The following PRKCE variants were observed in gnomAD, a reference collection of about 807,000 sequenced individuals.
PRKCE encodes protein kinase C epsilon.
PRKCE carries 16 observed loss-of-function variants against 85.4 expected under a neutral mutation model. The observed-to-expected ratio is 0.19, with a 90% confidence interval of 0.13 to 0.28. The LOEUF is 0.28. Ranked by LOEUF, PRKCE falls within the 10% of genes least tolerant of loss-of-function variation. PRKCE has a pLI of 1.00. For synonymous variants in PRKCE, 388 were observed against 371.5 expected (o/e 1.04, Z -0.51); for missense variants, 573 against 975.2 (o/e 0.59, Z 5.49).
At chr2:45,952,987 G>C (rs1211124169) in intron 2 of PRKCE, among the ~76,000 whole-genome samples, 1 of 152,216 alleles carries the variant, frequency 6.6e-6, no homozygotes, top group Non-Finnish European at 1.5e-5. Flanking sequence ...TTTATGGACA[G>C]GGAGGTCAAG....
intron 1 of PRKCE, chr2:45,677,775 G>C: frequency 1.2e-6 from 1 of 846,358 alleles, no homozygotes; most frequent in Non-Finnish European, 1.4e-6. Flanking sequence ...TATTTGCTGG[G>C]TGGGCTCTGG....
At chr2:45,690,112 C>G (rs966461571) in intron 1 of PRKCE, among the ~76,000 whole-genome samples, 2 of 152,140 alleles carry the variant, frequency 1.3e-5, no homozygotes, top group Admixed American at 6.6e-5. Context: ...TTATGATAGT[C>G]TCATATTGAT....
rs758391020 is a variant in PRKCE, at chr2:46,010,359, C to G, written c.1279C>G (p.Leu427Val). The G allele has an allele frequency of 2.5e-6, 4 of 1,595,210 alleles. No homozygotes were observed. In the African/African-American group the frequency reaches 5.3e-5, roughly 21 times the overall value. ...GSFGKVMLAE[L>V]KGKDEVYAVK... The stretch of plus-strand genomic sequence containing the variant: ...TTGATTGCAGGTCATGTTGGCAGAA[C>G]TCAAGGGCAAAGATGAAGTATATGC... The change falls in exon 10 of 15, where the codon CTC (leucine) becomes GTC (valine). Residue 427 changes from leucine (L) to valine (V), a missense_variant. Coordinates refer to ENST00000306156, the MANE Select transcript of PRKCE (RefSeq NM_005400.3).
intron 2 of PRKCE, among the ~76,000 whole-genome samples, chr2:45,966,222 A>G (rs1558895252): frequency 6.6e-6 from 1 of 152,216 alleles, no homozygotes; most frequent in Non-Finnish European, 1.5e-5. Context: ...AGATGCTTAC[A>G]TATTGCATGA....
chr2:45,836,366 A>C (rs1212884641), intron 1 of PRKCE, among the ~76,000 whole-genome samples: 1 of 152,254 alleles, frequency 6.6e-6, no homozygotes, highest in Non-Finnish European at 1.5e-5. Flanking sequence ...CTTTTTGACC[A>C]GTCACTGCAC....
chr2:45,701,942 G>A (rs928935), intron 1 of PRKCE, among the ~76,000 whole-genome samples: 1 of 151,898 alleles, frequency 6.6e-6, no homozygotes, highest in African/African-American at 2.4e-5. Context: ...CCTGTAATCT[G>A]AGAATTTTGG....
chr2:45,765,935 T>A (rs986907710), intron 1 of PRKCE, among the ~76,000 whole-genome samples: 8 of 152,180 alleles, frequency 5.3e-5, no homozygotes, highest in African/African-American at 1.9e-4. Context: ...TGGGTAACTG[T>A]GGGTAGCAGA....
chr2:46,158,547 G>C (rs1677442462), intron 13 of PRKCE, among the ~76,000 whole-genome samples: 1 of 152,148 alleles, frequency 6.6e-6, no homozygotes, highest in East Asian at 1.9e-4. Context: ...TTGAACTCGA[G>C]GCCAGGTGCT....
At position 46,138,495 on chromosome 2, in the gene PRKCE, C is replaced by G. The variant is rs1359281820; in HGVS notation, c.1593-6598C>G. Among the ~76,000 whole-genome samples, 2 of 152,160 alleles carry G rather than the reference C, an allele frequency of 1.3e-5. No individual in the cohort carries two copies. The highest frequency in any genetic ancestry group is 1.3e-4 in the Admixed American group (2 of 15,274). On this transcript the variant is annotated intron_variant, in intron 11 of 14. Coordinates refer to ENST00000306156, the MANE Select transcript of PRKCE (RefSeq NM_005400.3). This position sits in a 1 kb window ranked among gnomAD's most constrained non-coding sequence, Gnocchi z 4.2. The stretch of plus-strand genomic sequence containing the variant: ...GCAGGGTTGGTAGAGTCAGGATTCC[C>G]ATCTCCTAGGAATAAAATGGCAGAG...
At chr2:45,707,029 A>G (rs1332112282) in intron 1 of PRKCE, among the ~76,000 whole-genome samples, 1 of 152,228 alleles carries the variant, frequency 6.6e-6, no homozygotes, top group East Asian at 1.9e-4. Context: ...TCTCTCCCCA[A>G]AGATGGGGGT....
At chr2:46,039,486 C>G (rs949785585) in intron 10 of PRKCE, among the ~76,000 whole-genome samples, 1 of 152,000 alleles carries the variant, frequency 6.6e-6, no homozygotes, top group African/African-American at 2.4e-5. Context: ...CCCTACTGAC[C>G]ATGATTTTTT....
chr2:45,832,280 A>G (rs549953722), intron 1 of PRKCE, among the ~76,000 whole-genome samples: 19 of 148,634 alleles, frequency 1.3e-4, no homozygotes, highest in African/African-American at 4.5e-4. Context: ...ATGAAGGAGC[A>G]TTACTCTCAT....
At chr2:45,654,137 C>A (rs1021957271) in intron 1 of PRKCE, among the ~76,000 whole-genome samples, 1 of 152,210 alleles carries the variant, frequency 6.6e-6, no homozygotes, top group African/African-American at 2.4e-5. Flanking sequence ...GCAGTGTATG[C>A]AGATGAGGGG....
rs11890295 is a variant in PRKCE, at chr2:45,863,864, C to T, written c.412+20801C>T. ...CTAGACAGTAGGGACGGGAATGGTG[C>T]GCCTGGCTGCACTGGAGAGTCTAAA... On this transcript the variant is annotated intron_variant, in intron 2 of 14. Transcript: ENST00000306156. Among the ~76,000 whole-genome samples, 605 of 152,128 alleles carry T rather than the reference C, an allele frequency of 4.0e-3. 2 individuals are homozygous for T. The highest frequency in any genetic ancestry group is 6.3e-3 in the Non-Finnish European group (429 of 67,992).
rs114574714 is a variant in PRKCE, at chr2:45,852,672, C to G, written c.412+9609C>G. 2.7e-3 allele frequency among the ~76,000 whole-genome samples: 417 copies of G among 152,208 alleles called. 1 individual carries two copies. Among genetic ancestry groups the G allele is most frequent in the Non-Finnish European group, 5.1e-3 (346 of 68,002 alleles). ...TAGCTCTATAGTTCTGAGTCAAAACCAAGAGAGGTTTGCATACAGCTGGGC... is the reference window on the plus strand; with the variant it reads ...TAGCTCTATAGTTCTGAGTCAAAACGAAGAGAGGTTTGCATACAGCTGGGC... On this transcript the variant is annotated intron_variant, in intron 2 of 14. Coordinates refer to ENST00000306156, the MANE Select transcript of PRKCE (RefSeq NM_005400.3).
At chr2:45,915,483 C>T (rs1697696200) in intron 2 of PRKCE, among the ~76,000 whole-genome samples, 1 of 152,126 alleles carries the variant, frequency 6.6e-6, no homozygotes, top group Non-Finnish European at 1.5e-5. Context: ...CTCCAGTGAA[C>T]CCTAAAGAAT....
intron 2 of PRKCE, among the ~76,000 whole-genome samples, chr2:45,948,526 C>A (rs1029113237): frequency 1.3e-5 from 2 of 152,144 alleles, no homozygotes; most frequent in Admixed American, 1.3e-4. Flanking sequence ...GTAGTCCCAG[C>A]TACTCAAGAG....
intron 6 of PRKCE, among the ~76,000 whole-genome samples, chr2:45,987,288 C>T (rs1394035366): frequency 6.6e-6 from 1 of 152,042 alleles, no homozygotes; most frequent in Non-Finnish European, 1.5e-5. Flanking sequence ...GGTATCTGTC[C>T]ATGGGAGCCC....
chr2:46,140,321 T>C (rs1675390811), intron 11 of PRKCE, among the ~76,000 whole-genome samples: 1 of 151,754 alleles, frequency 6.6e-6, no homozygotes, highest in South Asian at 2.1e-4. Flanking sequence ...ATTAAAAGAG[T>C]GTGGTATAGA....
Sources: allele counts gnomAD v4.1 joint callset (sites outside exome capture counted in the v4.1 genomes callset), GRCh38; gene constraint gnomAD v4.1.1; non-coding constraint Gnocchi (gnomAD v3.1); transcripts MANE v1.5; gene names NCBI Gene and HGNC (gene_info 2026-07-23, HGNC 2026-07-21).